TENM2: variants seen among roughly 807,000 people sequenced by gnomAD.
TENM2 encodes teneurin-2.
In TENM2, 52 loss-of-function variants were observed where a neutral mutation model predicts 245.2. The ratio of observed to expected loss-of-function variants is 0.21; its 90% CI spans 0.17 to 0.27. The LOEUF (loss-of-function observed/expected upper bound fraction) is 0.27. TENM2 is among the 10% of genes least tolerant of loss of function. The pLI is 1.00. For missense variants in TENM2, 3,046 were observed against 3,666.8 expected (o/e 0.83, Z 4.37); for synonymous variants, 1,363 against 1,438.9 (o/e 0.95, Z 1.19).
exon 10 of TENM2, chr5:168,118,379 A>G (rs774317922): frequency 6.2e-7 from 1 of 1,611,968 alleles, no homozygotes; most frequent in Non-Finnish European, 8.5e-7. Flanking sequence ...GCAGAGTGCG[A>G]CGTGCCCATG....
the TENM2 span, among the ~76,000 whole-genome samples, chr5:167,114,240 G>C: frequency 1.3e-4 from 20 of 152,252 alleles, no homozygotes; most frequent in South Asian, 4.1e-3. Flanking sequence ...ATTGAACCCT[G>C]CCCTTTTCAT....
chr5:167,974,126 G>A (rs1204162687), intron 4 of TENM2, among the ~76,000 whole-genome samples: 8 of 462 alleles, frequency 0.017, 2 homozygotes, highest in Non-Finnish European at 0.025. Flanking sequence ...GAGGAAGGAA[G>A]GAAGGAAGGA....
intron 3 of TENM2, among the ~76,000 whole-genome samples, chr5:167,924,409 A>C (rs1292929457): frequency 6.6e-6 from 1 of 152,260 alleles, no homozygotes; most frequent in African/African-American, 2.4e-5. Flanking sequence ...CGACAGGAGC[A>C]TGCAGAGTAG....
chr5:167,568,548 G>A (rs575760574), intron 2 of TENM2, among the ~76,000 whole-genome samples: 1 of 152,028 alleles, frequency 6.6e-6, no homozygotes, highest in Non-Finnish European at 1.5e-5. Context: ...AAGACAGTAA[G>A]TGTGTGACAC....
chr5:168,130,208 C>T (rs1754448109), intron 12 of TENM2: 1 of 152,100 alleles, frequency 6.6e-6, no homozygotes, highest in Non-Finnish European at 1.5e-5. Flanking sequence ...GAATTTGCAA[C>T]CAAATTATTT....
intron 2 of TENM2, among the ~76,000 whole-genome samples, chr5:167,592,143 A>C (rs1775917677): frequency 6.6e-6 from 1 of 152,202 alleles, no homozygotes; most frequent in African/African-American, 2.4e-5. Flanking sequence ...GAACTGAATT[A>C]AAACGATATC....
At chr5:168,086,788 T>C (rs2152228536) in intron 7 of TENM2, among the ~76,000 whole-genome samples, 1 of 152,344 alleles carries the variant, frequency 6.6e-6, no homozygotes, top group African/African-American at 2.4e-5. Context: ...AGGAGCCAGA[T>C]GTCCCCAATA....
chr5:167,974,007 G>GGAAA (rs1482017510), intron 4 of TENM2, among the ~76,000 whole-genome samples: 2 of 80,228 alleles, frequency 2.5e-5, no homozygotes, highest in South Asian at 6.5e-4. Context: ...GAGAAAGGGA[G>GGAAA]GGAGGGAGGG....
At chr5:168,145,769 G>A (rs1345607068) in intron 12 of TENM2, among the ~76,000 whole-genome samples, 2 of 149,796 alleles carry the variant, frequency 1.3e-5, no homozygotes, top group African/African-American at 4.9e-5. Context: ...ATTACCTTGG[G>A]CAGTATGGCC....
chr5:167,571,831 A>G (rs1157122850), intron 2 of TENM2, among the ~76,000 whole-genome samples: 1 of 152,152 alleles, frequency 6.6e-6, no homozygotes, highest in African/African-American at 2.4e-5. Context: ...CAGTCCACTT[A>G]TTCCCTTGTA....
chr5:167,350,599 GAT>G (rs763738444), intron 1 of TENM2, among the ~76,000 whole-genome samples: 22 of 122,402 alleles, frequency 1.8e-4, no homozygotes, highest in South Asian at 7.5e-4. Context: ...TATATATATG[GAT>G]ATATATATAT....
intron 24 of TENM2, among the ~76,000 whole-genome samples, chr5:168,227,320 A>G (rs1764291994): frequency 6.6e-6 from 1 of 152,110 alleles, no homozygotes; most frequent in Non-Finnish European, 1.5e-5. Flanking sequence ...GTCTCTTCAG[A>G]GTTCTCTTGA....
In TENM2 at chr5:167,865,638, G is replaced by A. The variant is rs114173221; in HGVS notation, c.503-10348G>A. ...GAAAATTAACCAAAAAAATGTGGTC[G>A]CGCTACCATGCCTGAAAATCCCTTG... is the stretch of plus-strand genomic sequence containing the variant. On this transcript the variant is annotated intron_variant, in intron 2 of 28. Transcript: ENST00000518659. 2.5e-3 allele frequency among the ~76,000 whole-genome samples: 379 copies of A among 152,010 alleles called. 1 individual carries two copies. The highest frequency in any genetic ancestry group is 8.8e-3 in the African/African-American group (366 of 41,520).
chr5:168,229,873 A>C (rs890031550), intron 25 of TENM2: 1 of 152,270 alleles, frequency 6.6e-6, no homozygotes, highest in Non-Finnish European at 1.5e-5. Flanking sequence ...AAAGACAAAA[A>C]TGGAATGAGA....
intron 2 of TENM2, among the ~76,000 whole-genome samples, chr5:167,438,983 C>T (rs564655797): frequency 4.3e-4 from 65 of 151,768 alleles, no homozygotes; most frequent in African/African-American, 1.5e-3. Flanking sequence ...TTAGTAGAAA[C>T]GCGTTTCACT....
At chr5:168,162,676 G>T in exon 13 of TENM2, 1 of 1,613,936 alleles carries the variant, frequency 6.2e-7, no homozygotes, top group Non-Finnish European at 8.5e-7. Flanking sequence ...CTGGCAGTGT[G>T]TCTGCCAGAC....
chr5:167,183,238 G>A, the TENM2 span, among the ~76,000 whole-genome samples: 10 of 151,990 alleles, frequency 6.6e-5, no homozygotes, highest in East Asian at 7.7e-4. Context: ...GATGTATTCC[G>A]CTTCATATTG....
chr5:167,990,748 T>C (rs1188056745), intron 4 of TENM2, among the ~76,000 whole-genome samples: 1 of 152,244 alleles, frequency 6.6e-6, no homozygotes, highest in Non-Finnish European at 1.5e-5. Context: ...ATTAGCTGTG[T>C]TAAATAATTC....
intron 9 of TENM2, among the ~76,000 whole-genome samples, chr5:168,098,796 C>T (rs1793572199): frequency 6.6e-6 from 1 of 152,100 alleles, no homozygotes; most frequent in African/African-American, 2.4e-5. Context: ...CAGACACAGA[C>T]ACAGATACAC....
Sources: gnomAD v4.1 joint callset for allele counts (sites outside exome capture counted in the v4.1 genomes callset) on GRCh38, gnomAD v4.1.1 for gene constraint, MANE v1.5 for transcripts, NCBI Gene and HGNC (gene_info 2026-07-23, HGNC 2026-07-21) for gene names.